The following TENM4 variants were observed in gnomAD, a reference collection of about 807,000 sequenced individuals.
TENM4 encodes teneurin-4.
In TENM4, 82 loss-of-function variants were observed where a neutral mutation model predicts 243.3. That is an observed-to-expected ratio of 0.34 (90% confidence interval 0.28 to 0.40). The LOEUF (loss-of-function observed/expected upper bound fraction) is 0.40. Ranked by LOEUF, TENM4 falls within the 10% of genes least tolerant of loss-of-function variation. The probability of loss-of-function intolerance (pLI) is 1.00; values close to 1 mark genes in which losing one functional copy is unlikely to be tolerated. For synonymous variants in TENM4, 1,412 were observed against 1,456.3 expected (o/e 0.97, Z 0.69); for missense variants, 3,138 against 3,673.3 (o/e 0.85, Z 3.77).
chr11:78,704,184 T>TATATATATATAC (rs1859186871), intron 27 of TENM4, among the ~76,000 whole-genome samples: 1 of 143,920 alleles, frequency 6.9e-6, no homozygotes, highest in South Asian at 2.2e-4. Context: ...TATATATATA[T>TATATATATATAC]ATATATATAT....
intron 17 of TENM4, among the ~76,000 whole-genome samples, chr11:78,776,446 G>A (rs1856742139): frequency 6.6e-6 from 1 of 152,088 alleles, no homozygotes; most frequent in African/African-American, 2.4e-5. Flanking sequence ...CTGTTATGTG[G>A]TATTCATATT....
chr11:78,868,797 C>A (rs912275575), intron 9 of TENM4, among the ~76,000 whole-genome samples: 3 of 152,176 alleles, frequency 2.0e-5, no homozygotes, highest in Non-Finnish European at 2.9e-5. Context: ...CAGGGAGTGA[C>A]TAGACACGGT....
Position 79,322,345 on chromosome 11 carries a change from G to A in TENM4, c.-320-24802C>T, listed in dbSNP as rs182274823. Among the ~76,000 whole-genome samples, 9 of 152,308 alleles carry A rather than the reference G, an allele frequency of 5.9e-5. No individual in the cohort carries two copies. In the East Asian group the frequency reaches 1.7e-3, roughly 29 times the overall value. On this transcript the variant is annotated intron_variant, in intron 1 of 33. Transcript: ENST00000278550. ...CCCGGCTTAATATTCTACTGTTGCT[G>A]TCATTAAATTCTTAATTTTTGAAAA...
intron 6 of TENM4, among the ~76,000 whole-genome samples, chr11:79,012,532 G>A (rs537692979): frequency 1.4e-4 from 21 of 152,260 alleles, no homozygotes; most frequent in Non-Finnish European, 2.5e-4. Context: ...CTCACTGTCT[G>A]ACACAAAGTG....
intron 15 of TENM4, among the ~76,000 whole-genome samples, chr11:78,798,580 C>T (rs966357684): frequency 3.2e-4 from 48 of 152,170 alleles, no homozygotes; most frequent in African/African-American, 1.1e-3. Flanking sequence ...CCAAGATTTT[C>T]GGCACAGCAT....
At chr11:79,092,261 C>T (rs181524755) in intron 4 of TENM4, among the ~76,000 whole-genome samples, 8 of 152,292 alleles carry the variant, frequency 5.3e-5, no homozygotes, top group Admixed American at 5.2e-4. Context: ...AATGAGTGTA[C>T]GTACATGTTC....
chr11:78,688,026 A>T, intron 29 of TENM4, 28 bp downstream of exon 29: 1 of 1,610,148 alleles, frequency 6.2e-7, no homozygotes, highest in East Asian at 2.2e-5. Flanking sequence ...CCTCTGCCTC[A>T]AAGTCCCCTG....
chr11:78,694,894 G>C (rs958698082), intron 28 of TENM4, among the ~76,000 whole-genome samples: 12 of 152,146 alleles, frequency 7.9e-5, no homozygotes, highest in African/African-American at 2.4e-4. Flanking sequence ...CTTCAACTAG[G>C]GGGCTTCTCC....
At chr11:78,929,101 C>T (rs1856615449) in intron 6 of TENM4, among the ~76,000 whole-genome samples, 1 of 152,142 alleles carries the variant, frequency 6.6e-6, no homozygotes, top group Admixed American at 6.5e-5. Context: ...GAAGGGAAGT[C>T]CATCTCACCC....
intron 26 of TENM4, among the ~76,000 whole-genome samples, chr11:78,708,969 C>CT (rs59269770): frequency 0.17 from 19,034 of 113,044 alleles, 1,558 homozygotes; most frequent in African/African-American, 0.22. Flanking sequence ...CTTTTTCTTT[C>CT]TTTTTTTTTT....
At chr11:78,917,685 G>C (rs554477718) in intron 6 of TENM4, among the ~76,000 whole-genome samples, 2 of 152,106 alleles carry the variant, frequency 1.3e-5, no homozygotes, top group African/African-American at 4.8e-5. Context: ...AATATTGAAG[G>C]CTTGCTGGGC....
chr11:78,945,847 A>G (rs1186541372), intron 6 of TENM4, among the ~76,000 whole-genome samples: 4 of 152,236 alleles, frequency 2.6e-5, no homozygotes, highest in Non-Finnish European at 2.9e-5. Flanking sequence ...AGCCTAATCC[A>G]GAGCAAAGGC....
At chr11:79,210,485 A>G (rs932988846) in intron 3 of TENM4, among the ~76,000 whole-genome samples, 1 of 152,218 alleles carries the variant, frequency 6.6e-6, no homozygotes, top group African/African-American at 2.4e-5. Flanking sequence ...TCTTTAAAAG[A>G]GCAGCAGTAC....
intron 6 of TENM4, among the ~76,000 whole-genome samples, chr11:78,970,793 T>C (rs556443742): frequency 8.7e-4 from 133 of 152,288 alleles, no homozygotes; most frequent in African/African-American, 3.1e-3. Flanking sequence ...TAATTTACAA[T>C]GGAGAGTCAG....
At chr11:79,256,970 A>C (rs1855711339) in intron 2 of TENM4, among the ~76,000 whole-genome samples, 1 of 152,216 alleles carries the variant, frequency 6.6e-6, no homozygotes, top group South Asian at 2.1e-4. Context: ...TCAGTGACAA[A>C]GTCTTCCTGT....
At chr11:78,786,462 T>C (rs1411499985) in intron 16 of TENM4, among the ~76,000 whole-genome samples, 1 of 152,244 alleles carries the variant, frequency 6.6e-6, no homozygotes, top group Admixed American at 6.5e-5. Context: ...GGCACTCCAC[T>C]GTATGCCAGC....
chr11:78,871,818 GC>G (rs1183859098), intron 9 of TENM4, among the ~76,000 whole-genome samples: 1 of 151,972 alleles, frequency 6.6e-6, no homozygotes, highest in Non-Finnish European at 1.5e-5. Context: ...AGTCATCTCT[GC>G]CCCCCCAGAA....
intron 3 of TENM4, among the ~76,000 whole-genome samples, chr11:79,172,883 C>T (rs752825913): frequency 7.2e-5 from 11 of 152,084 alleles, no homozygotes; most frequent in African/African-American, 2.2e-4. Flanking sequence ...TCAACTGATT[C>T]GCCTGCCTCG....
chr11:79,123,172 G>A (rs1861778748), intron 4 of TENM4, among the ~76,000 whole-genome samples: 1 of 152,198 alleles, frequency 6.6e-6, no homozygotes, highest in African/African-American at 2.4e-5. Context: ...GATGAGGACT[G>A]TCTCATGTAT....
Sources: gnomAD v4.1 joint callset for allele counts (sites outside exome capture counted in the v4.1 genomes callset) on GRCh38, gnomAD v4.1.1 for gene constraint, MANE v1.5 for transcripts, NCBI Gene and HGNC (gene_info 2026-07-23, HGNC 2026-07-21) for gene names.